NRXN3: variants seen among roughly 807,000 people sequenced by gnomAD.
NRXN3 encodes neurexin III.
A neutral mutation model predicts 137.6 loss-of-function variants in NRXN3; 32 were observed. That is an observed-to-expected ratio of 0.23 (90% CI 0.18 to 0.31). The LOEUF (loss-of-function observed/expected upper bound fraction) is 0.31. NRXN3 is among the 10% of genes least tolerant of loss of function. The pLI is 1.00. For missense variants in NRXN3, 1,574 were observed against 2,062.5 expected (o/e 0.76, Z 4.59); for synonymous variants, 798 against 784.5 (o/e 1.02, Z -0.29).
chr14:78,909,891 T>C (rs1420093596), intron 10 of NRXN3, among the ~76,000 whole-genome samples: 1 of 152,152 alleles, frequency 6.6e-6, no homozygotes, highest in Non-Finnish European at 1.5e-5. Flanking sequence ...TATCTGTCAA[T>C]CTGTCTACAC....
intron 10 of NRXN3, among the ~76,000 whole-genome samples, chr14:78,926,831 T>A (rs1444839507): frequency 5.1e-4 from 12 of 23,590 alleles, no homozygotes; most frequent in Admixed American, 2.8e-3. Flanking sequence ...TATATATAAT[T>A]TATATAAATA....
intron 15 of NRXN3, among the ~76,000 whole-genome samples, chr14:79,152,368 T>G (rs2059878161): frequency 6.6e-6 from 1 of 152,040 alleles, no homozygotes; most frequent in Non-Finnish European, 1.5e-5. Context: ...TTCATCAAAG[T>G]GGATTTGTTT....
chr14:78,239,368 GC>G (rs1475166909), intron 1 of NRXN3, among the ~76,000 whole-genome samples: 4 of 152,208 alleles, frequency 2.6e-5, no homozygotes, highest in African/African-American at 7.2e-5. Context: ...ATCCAGTAGT[GC>G]CTGGAATGAA....
At chr14:79,804,806 C>T (rs778522563) in intron 19 of NRXN3, among the ~76,000 whole-genome samples, 1 of 152,106 alleles carries the variant, frequency 6.6e-6, no homozygotes, top group Non-Finnish European at 1.5e-5. Context: ...AAACTCAAAA[C>T]CAGAATGAAG....
chr14:79,368,337 A>G (rs1462497302), intron 15 of NRXN3, among the ~76,000 whole-genome samples: 1 of 152,230 alleles, frequency 6.6e-6, no homozygotes, highest in Non-Finnish European at 1.5e-5. Flanking sequence ...ATGAACTAAC[A>G]TTGATTCTAC....
At chr14:79,368,870 T>C (rs2153430977) in intron 15 of NRXN3, among the ~76,000 whole-genome samples, 1 of 152,334 alleles carries the variant, frequency 6.6e-6, no homozygotes, top group African/African-American at 2.4e-5. Flanking sequence ...ATTAATTTTT[T>C]TGTGGATTCC....
intron 15 of NRXN3, among the ~76,000 whole-genome samples, chr14:79,049,002 G>A (rs2099637285): frequency 1.9e-5 from 2 of 106,194 alleles, no homozygotes; most frequent in African/African-American, 3.7e-5. Flanking sequence ...CAGCCTGGGC[G>A]ACAGAGCGAA....
In NRXN3 at chr14:78,561,056, T is replaced by C. The variant is rs533535262; in HGVS notation, c.758-84064T>C. On this transcript the variant is annotated intron_variant, in intron 4 of 20. Transcript: ENST00000335750. The stretch of plus-strand genomic sequence containing the variant: ...TAGAACAGCATAGCTTTACTTCTTA[T>C]TCATATTACATGTTTAACACTGGGT... 2.0e-5 allele frequency among the ~76,000 whole-genome samples: 3 copies of C among 152,330 alleles called. No homozygotes were observed. In the East Asian group the frequency reaches 5.8e-4, roughly 29 times the overall value.
At position 78,988,077 on chromosome 14, in the gene NRXN3, A is replaced by G. The variant is rs2099510756; in HGVS notation, c.3198A>G (p.Gln1066=). The G allele has an allele frequency of 1.2e-6, 2 of 1,614,002 alleles. No individual in the cohort carries two copies. Among genetic ancestry groups the G allele is most frequent in the Non-Finnish European group, 1.7e-6 (2 of 1,179,932 alleles). The change falls in exon 15 of 21, where the codon CAA becomes CAG. Residue 1066 remains glutamine, a synonymous_variant. Transcript: ENST00000335750. ...DSCANQGVCM[Q]QWEGFTCDCS... is the part of the protein sequence containing the mutation. ...GTGCCAACCAGGGGGTCTGCATGCAACAATGGGAGGGCTTCACCTGTGATT... is the reference window on the plus strand; with the variant it reads ...GTGCCAACCAGGGGGTCTGCATGCAGCAATGGGAGGGCTTCACCTGTGATT...
chr14:79,529,871 A>G (rs1016752048), intron 16 of NRXN3, among the ~76,000 whole-genome samples: 1 of 152,196 alleles, frequency 6.6e-6, no homozygotes, highest in African/African-American at 2.4e-5. Flanking sequence ...AATCATGCCA[A>G]GCAAAGTCGA....
intron 10 of NRXN3, among the ~76,000 whole-genome samples, chr14:78,830,411 G>C (rs551508680): frequency 2.6e-5 from 4 of 152,148 alleles, no homozygotes; most frequent in Admixed American, 2.6e-4. Flanking sequence ...TTTTATTAAA[G>C]ATGTCTAAAT....
chr14:79,696,378 TTAAGAA>T (rs2098735417), intron 18 of NRXN3, among the ~76,000 whole-genome samples: 1 of 151,894 alleles, frequency 6.6e-6, no homozygotes, highest in African/African-American at 2.4e-5. Flanking sequence ...GGTGATTAGA[TTAAGAA>T]TGAGTGGAGC....
At chr14:79,819,420 A>G (rs1026201654) in intron 20 of NRXN3, among the ~76,000 whole-genome samples, 20 of 147,236 alleles carry the variant, frequency 1.4e-4, no homozygotes, top group African/African-American at 4.7e-4. Flanking sequence ...GTCGTTCCCA[A>G]CATTTGTTGA....
chr14:78,691,324 A>G (rs895655812), intron 6 of NRXN3, among the ~76,000 whole-genome samples: 1 of 152,146 alleles, frequency 6.6e-6, no homozygotes, highest in African/African-American at 2.4e-5. Context: ...ATTCTCTCCT[A>G]TATCATCGGT....
At chr14:78,958,679 T>A (rs2152971725) in intron 11 of NRXN3, among the ~76,000 whole-genome samples, 1 of 152,310 alleles carries the variant, frequency 6.6e-6, no homozygotes, top group Admixed American at 6.5e-5. Context: ...TTATAAGTCT[T>A]CCCTCTCTGA....
chr14:78,740,108 C>A (rs752109902), intron 8 of NRXN3, among the ~76,000 whole-genome samples: 1 of 152,116 alleles, frequency 6.6e-6, no homozygotes, highest in African/African-American at 2.4e-5. Context: ...TCAAAAGAAG[C>A]CCACATGCAG....
chr14:78,898,433 G>A (rs2099185005), intron 10 of NRXN3, among the ~76,000 whole-genome samples: 1 of 151,858 alleles, frequency 6.6e-6, no homozygotes, highest in African/African-American at 2.4e-5. Flanking sequence ...AATTGTGTTG[G>A]ATTTCTTGAA....
intron 14 of NRXN3, among the ~76,000 whole-genome samples, chr14:78,978,710 T>C (rs911176162): frequency 2.0e-5 from 3 of 148,080 alleles, no homozygotes; most frequent in Non-Finnish European, 4.5e-5. Flanking sequence ...ATATGCATCT[T>C]ATATATAATA....
chr14:78,713,985 T>C (rs903508029), intron 7 of NRXN3, among the ~76,000 whole-genome samples: 30 of 152,186 alleles, frequency 2.0e-4, no homozygotes, highest in Admixed American at 1.8e-3. Flanking sequence ...GAACATCTGC[T>C]CAATGAGAGG....
Sources: allele counts gnomAD v4.1 joint callset (sites outside exome capture counted in the v4.1 genomes callset), GRCh38; gene constraint gnomAD v4.1.1; transcripts MANE v1.5; gene names NCBI Gene and HGNC (gene_info 2026-07-23, HGNC 2026-07-21).